Variants in ABL2 observed in about 807,000 individuals in gnomAD.
ABL2 encodes the protein ABL proto-oncogene 2, non-receptor tyrosine kinase.
Under a neutral mutation model 107.7 loss-of-function variants are expected in ABL2, and 49 were observed. The observed-to-expected ratio is 0.45, with a 90% CI of 0.36 to 0.58. The LOEUF is 0.58. Among genes scored for constraint, ABL2 ranks in the 20% least tolerant of loss-of-function variants. The pLI, the probability that ABL2 is intolerant of heterozygous loss-of-function variation, is 0.00. For synonymous variants in ABL2, 549 were observed against 548.6 expected (o/e 1.00, Z -0.01); for missense variants, 1,245 against 1,457.0 (o/e 0.85, Z 2.37).
rs756233104 is a variant in ABL2 at position 179,110,351 on chromosome 1, C to A, written c.1756G>T (p.Val586Leu). Residue 586 changes from valine (V) to leucine (L), a missense_variant, in exon 11 of 12, where the codon GTG (valine) becomes TTG (leucine). Val to Leu is a conservative substitution (Grantham distance 32). Transcript: ENST00000502732. The stretch of plus-strand genomic sequence containing the variant: ...CCTTCAATGTTCTCCTTGTTCTCCA[C>A]CTGTTTCTTCAGTGTCCGAGTCTTG... ...PSKTRTLKKQ[V>L]ENKENIEGAQ... is the part of the protein sequence containing the mutation. 2 of 1,614,202 alleles carry A rather than the reference C, an allele frequency of 1.2e-6. No homozygotes were observed. Among genetic ancestry groups the A allele is most frequent in the African/African-American group, 2.7e-5 (2 of 75,052 alleles).
At chr1:179,219,571 A>C (rs1662765647) in intron 1 of ABL2, among the ~76,000 whole-genome samples, 1 of 152,250 alleles carries the variant, frequency 6.6e-6, no homozygotes, top group Admixed American at 6.5e-5. Flanking sequence ...TGATGGAAGA[A>C]AAAGATGTCT....
intron 1 of ABL2, 31 bp downstream of exon 1, chr1:179,229,210 C>CCCCCCCCA: frequency 6.7e-7 from 1 of 1,489,016 alleles, no homozygotes; most frequent in Non-Finnish European, 9.0e-7. Context: ...GCCTCCCCCA[C>CCCCCCCCA]GCTCTCATGC....
Position 179,126,404 on chromosome 1 carries a change from G to C in ABL2, c.660C>G (p.Tyr220Ter). Residue 220 changes from tyrosine to a stop codon, truncating the protein, a stop_gained, in exon 4 of 12, where the codon TAC becomes TAG. Transcript: ENST00000502732. LOFTEE classifies it high-confidence loss of function. This position sits in a 1 kb window ranked among gnomAD's most constrained non-coding sequence, Gnocchi z 4.4. Reference sequence around the variant, plus strand: ...TGCCATCTGCAGTGGTATTGATCCTGTAGTGATACACACGTCCCTCGTACC... The same window carrying C: ...TGCCATCTGCAGTGGTATTGATCCTCTAGTGATACACACGTCCCTCGTACC... ...SLRYEGRVYH[Y>*]RINTTADGKV... 1 of 1,614,160 alleles carries C rather than the reference G, an allele frequency of 6.2e-7. No homozygotes were observed. Among genetic ancestry groups the C allele is most frequent in the Non-Finnish European group, 8.5e-7 (1 of 1,180,032 alleles).
chr1:179,138,444 T>C (rs1657243087), intron 1 of ABL2, among the ~76,000 whole-genome samples: 1 of 152,212 alleles, frequency 6.6e-6, no homozygotes, highest in African/African-American at 2.4e-5. Flanking sequence ...AAATCCCTAG[T>C]AATTTGAGTG....
At chr1:179,201,997 G>C (rs979707990) in intron 1 of ABL2, 18 of 907,550 alleles carry the variant, frequency 2.0e-5, no homozygotes, top group Non-Finnish European at 2.2e-5. Context: ...GGAGAGGAGA[G>C]GGAAGGGAGC....
chr1:179,126,552 T>G lies in ABL2; in HGVS notation c.512A>C (p.His171Pro). ...YITPVNSLEK[H>P]SWYHGPVSRS... The stretch of plus-strand genomic sequence containing the variant: ...TGACACAGGTCCATGGTACCAGGAG[T>G]GTTTTTCCAGGCTGTTCACTGGGGT... The change falls in exon 4 of 12, where the codon CAC becomes CCC. Residue 171 changes from histidine to proline, a missense_variant. Physicochemically the swap from His to Pro is moderately conservative, Grantham distance 77. This residue lies in a region of ABL2 where 320 missense variants were observed against 547.0 expected (regional missense o/e 0.59). Coordinates refer to ENST00000502732, the MANE Select transcript of ABL2 (RefSeq NM_007314.4). The surrounding 1 kb of genome is among the most constrained non-coding windows in gnomAD (Gnocchi z 4.4). 6.2e-7 allele frequency: 1 copy of G among 1,614,104 alleles called. No individual in the cohort carries two copies. The highest frequency in any genetic ancestry group is 8.5e-7 in the Non-Finnish European group (1 of 1,180,028).
At chr1:179,206,784 A>T (rs977047111) in intron 1 of ABL2, among the ~76,000 whole-genome samples, 4 of 152,200 alleles carry the variant, frequency 2.6e-5, no homozygotes, top group African/African-American at 9.7e-5. Context: ...AAACAAACAA[A>T]TGATTTAAAT....
chr1:179,110,188 G>T, intron 11 of ABL2, 94 bp downstream of exon 11: 1 of 1,430,948 alleles, frequency 7.0e-7, no homozygotes, highest in Non-Finnish European at 9.8e-7. Flanking sequence ...CCCCAGGGAG[G>T]ACGGGCATGA....
At position 179,199,383 on chromosome 1, in the gene ABL2, C is replaced by T. The variant is rs145124917; in HGVS notation, c.157+29858G>A. Among the ~76,000 whole-genome samples the T allele has an allele frequency of 1.1e-3, 163 of 152,208 alleles. 2 individuals are homozygous for T. In the East Asian group the frequency reaches 0.016, roughly 15 times the overall value. On this transcript the variant is annotated intron_variant, in intron 1 of 11. Coordinates refer to ENST00000502732, the MANE Select transcript of ABL2 (RefSeq NM_007314.4). ...GATTGTGGAGATCCATTTAAAATTC[C>T]ATTTTCCAAAACTTAATGTTTCTTC...
chr1:179,198,323 CAT>C (rs753326952), intron 1 of ABL2, among the ~76,000 whole-genome samples: 6 of 152,084 alleles, frequency 3.9e-5, no homozygotes, highest in Non-Finnish European at 5.9e-5. Context: ...GCAAAGAGCA[CAT>C]GAGAGTTGTT....
intron 1 of ABL2, among the ~76,000 whole-genome samples, chr1:179,156,009 T>C (rs774603999): frequency 2.0e-5 from 3 of 152,186 alleles, no homozygotes; most frequent in Non-Finnish European, 4.4e-5. Context: ...ATATTTCTTA[T>C]AAAGTTTCCC....
chr1:179,138,474 T>C (rs1572684121), intron 1 of ABL2, among the ~76,000 whole-genome samples: 1 of 152,228 alleles, frequency 6.6e-6, no homozygotes, highest in Non-Finnish European at 1.5e-5. Context: ...TGCAAGGCAC[T>C]GTGCTGGGCT....
In ABL2 at chr1:179,106,559, C is replaced by T. The variant is rs1301652517; in HGVS notation, c.*1159G>A. On this transcript the variant is annotated 3_prime_UTR_variant, in exon 12 of 12. Coordinates refer to ENST00000502732, the MANE Select transcript of ABL2 (RefSeq NM_007314.4). Reference sequence around the variant, plus strand: ...ATGTGGGGGTGATTCACTTCAAATCCATAGAGAGGAGAATGCCTCTCCCTA... The same window carrying T: ...ATGTGGGGGTGATTCACTTCAAATCTATAGAGAGGAGAATGCCTCTCCCTA... 1 of 232,838 alleles carries T rather than the reference C, an allele frequency of 4.3e-6. No individual in the cohort carries two copies. The highest frequency in any genetic ancestry group is 2.2e-5 in the African/African-American group (1 of 45,276). 14.4% of individuals were successfully genotyped at this position (232,838 alleles called of 1,614,324 possible).
chr1:179,166,587 A>G (rs1571233728), intron 1 of ABL2, among the ~76,000 whole-genome samples: 1 of 151,564 alleles, frequency 6.6e-6, no homozygotes, highest in Admixed American at 6.6e-5. Context: ...GACCAGCCTG[A>G]CCAACATGGT....
At chr1:179,183,942 G>A in intron 1 of ABL2, 1 of 266,236 alleles carries the variant, frequency 3.8e-6, no homozygotes, top group Non-Finnish European at 7.3e-6. Flanking sequence ...CTCTAGACTT[G>A]CCGAAGAGAG....
chr1:179,226,304 T>C (rs1663203825), intron 1 of ABL2, among the ~76,000 whole-genome samples: 2 of 147,336 alleles, frequency 1.4e-5, no homozygotes, highest in Admixed American at 6.8e-5. Context: ...CTTTGAATTA[T>C]CCCTACTTTT....
intron 3 of ABL2, among the ~76,000 whole-genome samples, chr1:179,128,383 G>T (rs1467501821): frequency 1.3e-5 from 2 of 151,882 alleles, no homozygotes; most frequent in Non-Finnish European, 2.9e-5. Context: ...AAGAAAACCT[G>T]TTGCTCTGTA....
In ABL2 at chr1:179,147,734, G is replaced by T. The variant is rs539810235; in HGVS notation, c.158-14360C>A. ...CAAAAGGTGGAATACTACCTATTGGGTCCCATGTCATGTATGCTATTCAGG... is the reference window on the plus strand; with the variant it reads ...CAAAAGGTGGAATACTACCTATTGGTTCCCATGTCATGTATGCTATTCAGG... On this transcript the variant is annotated intron_variant, in intron 1 of 11. Coordinates refer to ENST00000502732, the MANE Select transcript of ABL2 (RefSeq NM_007314.4). Among the ~76,000 whole-genome samples the T allele has an allele frequency of 5.9e-5, 9 of 152,230 alleles. No homozygotes were observed. The South Asian group carries it at 1.5e-3, about 25-fold the overall frequency.
At chr1:179,142,243 C>A (rs569279991) in intron 1 of ABL2, among the ~76,000 whole-genome samples, 9 of 152,188 alleles carry the variant, frequency 5.9e-5, no homozygotes, top group African/African-American at 2.2e-4. Flanking sequence ...ATGTAAAGAA[C>A]CTAGATAACA....
Sources: gnomAD v4.1 joint callset for allele counts (sites outside exome capture counted in the v4.1 genomes callset) on GRCh38, gnomAD v4.1.1 for gene constraint, gnomAD v4.1.1 regional missense constraint, Gnocchi (gnomAD v3.1) non-coding constraint, MANE v1.5 for transcripts, NCBI Gene and HGNC (gene_info 2026-07-23, HGNC 2026-07-21) for gene names.